Variants in ANO7 observed in about 807,000 individuals in gnomAD.
ANO7 encodes anoctamin 7.
In ANO7, 114 loss-of-function variants were observed where a neutral mutation model predicts 115.8. The observed-to-expected ratio is 0.98, with a 90% confidence interval of 0.85 to 1.15. The LOEUF (loss-of-function observed/expected upper bound fraction) is 1.15, where lower values mean the gene tolerates loss of function less well. Among genes scored for constraint, ANO7 ranks in the 50% most tolerant of loss-of-function variants. ANO7 has a pLI of 0.00. For synonymous variants in ANO7, 550 were observed against 498.2 expected (o/e 1.10, Z -1.38); for missense variants, 1,302 against 1,201.2 (o/e 1.08, Z -1.24).
chr2:241,207,018 C>T (rs1361582981), intron 10 of ANO7, among the ~76,000 whole-genome samples: 1 of 142,986 alleles, frequency 7.0e-6, no homozygotes, highest in Non-Finnish European at 1.5e-5. Flanking sequence ...AGGAGTGCTC[C>T]CAGGCTGACA....
chr2:241,191,315 G>T (rs1278277441), intron 3 of ANO7, 64 bp downstream of exon 3: 2 of 1,592,394 alleles, frequency 1.3e-6, no homozygotes, highest in African/African-American at 1.3e-5. Flanking sequence ...CACCACGGGG[G>T]TGCCCCCAGG....
In ANO7 at chr2:241,210,587, C is replaced by T. The variant is rs752576109; in HGVS notation, c.1561+17C>T. 39 of 1,608,848 alleles carry T rather than the reference C, an allele frequency of 2.4e-5. No individual in the cohort carries two copies. The highest frequency in any genetic ancestry group is 1.2e-4 in the Admixed American group (7 of 59,998). On this transcript the variant is annotated intron_variant, in intron 15 of 24. Transcript: ENST00000674324. The stretch of plus-strand genomic sequence containing the variant: ...CACGATGGGGTGAGTGGGCTGAGGC[C>T]GGCCAGGCACTGACCAGGGGCCCAC...
In ANO7 at chr2:241,216,147, G is replaced by C. The variant is rs774853384; in HGVS notation, c.1881G>C (p.Ala627=). 1.2e-6 allele frequency: 2 copies of C among 1,613,332 alleles called. No individual in the cohort carries two copies. The change falls in exon 19 of 25, where the codon GCG becomes GCC. Residue 627 remains alanine, a synonymous_variant. Transcript: ENST00000674324. ...KFRLRSKKRK[A]GASAGASQGP... is the part of the protein sequence containing the mutation. ...GGCTTCGCTCCAAGAAGAGGAAGGC[G>C]GGAGCTTCTGCAGGGGCTAGCCAGG...
intron 1 of ANO7, among the ~76,000 whole-genome samples, chr2:241,189,550 G>A (rs1459442898): frequency 2.0e-5 from 3 of 152,124 alleles, no homozygotes; most frequent in East Asian, 1.9e-4. Flanking sequence ...TTGTGAGGCC[G>A]GGCTCCATCA....
intron 4 of ANO7, 66 bp downstream of exon 4, chr2:241,195,911 C>A: frequency 1.2e-6 from 2 of 1,613,714 alleles, no homozygotes; most frequent in South Asian, 2.2e-5. Flanking sequence ...ATGACCTTGC[C>A]GCATGAGGCC....
At chr2:241,208,983 A>C (rs1288848544) in intron 11 of ANO7, among the ~76,000 whole-genome samples, 1 of 152,154 alleles carries the variant, frequency 6.6e-6, no homozygotes, top group Non-Finnish European at 1.5e-5. Context: ...CCTCGTCTCT[A>C]CTAAAAATAC....
At chr2:241,223,582 G>A (rs2069078186) in intron 22 of ANO7, 80 bp from the exon 23 acceptor site, 2 of 1,562,200 alleles carry the variant, frequency 1.3e-6, no homozygotes, top group African/African-American at 2.7e-5. Context: ...GGGAGCAGGT[G>A]CCGGAGCCCC....
chr2:241,202,789 C>T (rs1470183106), intron 8 of ANO7, among the ~76,000 whole-genome samples: 1 of 152,218 alleles, frequency 6.6e-6, no homozygotes, highest in East Asian at 1.9e-4. Context: ...AAGCCTTCCC[C>T]CTTGGCCGAG....
chr2:241,206,173 C>A (rs2068586690), intron 10 of ANO7, among the ~76,000 whole-genome samples: 1 of 31,058 alleles, frequency 3.2e-5, no homozygotes, highest in Non-Finnish European at 5.9e-5. Context: ...CAGGAATGCT[C>A]CCAGCCTGAC....
chr2:241,233,768 G>C, the ANO7 span: 4 of 1,608,634 alleles, frequency 2.5e-6, no homozygotes, highest in Admixed American at 3.3e-5. The surrounding 1 kb of genome is among the most constrained non-coding windows in gnomAD (Gnocchi z 4.3). Flanking sequence ...CAAGTCACAG[G>C]AAAGGTCAAC....
chr2:241,202,656 C>G (rs1476178085), intron 8 of ANO7, among the ~76,000 whole-genome samples: 1 of 152,244 alleles, frequency 6.6e-6, no homozygotes, highest in Non-Finnish European at 1.5e-5. Context: ...TAAACTGAGG[C>G]AATGCCAAAG....
the ANO7 span, chr2:241,233,810 AG>A: frequency 6.2e-7 from 1 of 1,614,014 alleles, no homozygotes; most frequent in Non-Finnish European, 8.5e-7. The surrounding 1 kb of genome is among the most constrained non-coding windows in gnomAD (Gnocchi z 4.3). Context: ...GCTCCAACCG[AG>A]GCTCTCACCT....
chr2:241,223,760 G>A lies in ANO7; in HGVS notation c.2511G>A (p.Lys837=), dbSNP rs756332750. The change falls in exon 23 of 25, where the codon AAG becomes AAA. Residue 837 remains lysine (K), a synonymous_variant. Coordinates refer to ENST00000674324, the MANE Select transcript of ANO7 (RefSeq NM_001370694.2). Reference sequence around the variant, plus strand: ...TGAAGCGGGAGTACTACCTGGCTAAGCAGGCACTGGCTGAGAATGAGGTGA... The same window carrying A: ...TGAAGCGGGAGTACTACCTGGCTAAACAGGCACTGGCTGAGAATGAGGTGA... ...IKVKREYYLA[K]QALAENEVLF... 8 of 1,614,244 alleles carry A rather than the reference G, an allele frequency of 5.0e-6. No homozygotes were observed. In the South Asian group the frequency reaches 7.7e-5, roughly 16 times the overall value.
At chr2:241,209,226 GA>G in intron 11 of ANO7, 58 bp from the exon 12 acceptor site, 1 of 1,503,210 alleles carries the variant, frequency 6.7e-7, no homozygotes, top group Non-Finnish European at 8.9e-7. Flanking sequence ...AGGAACACTG[GA>G]AGGAACAAGG....
intron 1 of ANO7, 52 bp from the exon 2 acceptor site, chr2:241,190,005 C>G (rs2068154022): frequency 1.4e-6 from 2 of 1,431,448 alleles, no homozygotes; most frequent in Non-Finnish European, 1.9e-6. Context: ...AGGAACGGGT[C>G]TCACCCATCC....
intron 3 of ANO7, among the ~76,000 whole-genome samples, chr2:241,192,999 CCTTAGTACCAATGA>C (rs373055877): frequency 1.9e-3 from 289 of 152,144 alleles, no homozygotes; most frequent in African/African-American, 6.6e-3. Flanking sequence ...ATGTCAATGT[CCTTAGTACCAATGA>C]CCTGTACACT....
downstream of ANO7, chr2:241,230,113 G>T (rs766584360): frequency 1.0e-5 from 16 of 1,591,150 alleles, no homozygotes; most frequent in Admixed American, 2.2e-4. The surrounding 1 kb of genome is among the most constrained non-coding windows in gnomAD (Gnocchi z 5.0). Flanking sequence ...CGGTGGACGT[G>T]CCAGGGCGCC....
Position 241,204,866 on chromosome 2 carries a change from G to T in ANO7, c.891G>T (p.Gly297=), listed in dbSNP as rs765010485. The T allele has an allele frequency of 6.2e-7, 1 of 1,613,716 alleles. No homozygotes were observed. Among genetic ancestry groups the T allele is most frequent in the South Asian group, 1.1e-5 (1 of 91,056 alleles). The change falls in exon 10 of 25, where the codon GGG becomes GGT. Residue 297 remains glycine (G), a splice_region_variant and synonymous_variant. Coordinates refer to ENST00000674324, the MANE Select transcript of ANO7 (RefSeq NM_001370694.2). The part of the protein sequence containing the change: ...EKVALYFAWL[G]FYTGWLLPAA... ...GGACCCCTGCCATCCTCTCTACAGG[G>T]TTTTACACAGGCTGGCTCCTGCCAG...
At chr2:241,205,105 GT>G (rs1415058334) in intron 10 of ANO7, 150 bp downstream of exon 10, 2 of 668,176 alleles carry the variant, frequency 3.0e-6, no homozygotes, top group African/African-American at 3.6e-5. Context: ...GTCTTCAGGA[GT>G]GTCACAGAGG....
Sources: allele counts gnomAD v4.1 joint callset (sites outside exome capture counted in the v4.1 genomes callset), GRCh38; gene constraint gnomAD v4.1.1; non-coding constraint Gnocchi (gnomAD v3.1); transcripts MANE v1.5; gene names NCBI Gene and HGNC (gene_info 2026-07-23, HGNC 2026-07-21).